The following DENND1B variants were observed in gnomAD, a reference collection of about 807,000 sequenced individuals.
The protein encoded by DENND1B is DENN domain-containing protein 1B.
DENND1B carries 59 observed loss-of-function variants against 90.1 expected under a neutral mutation model. The ratio of observed to expected loss-of-function variants is 0.65; its 90% CI spans 0.53 to 0.81. The LOEUF (loss-of-function observed/expected upper bound fraction) is 0.81, where lower values mean the gene tolerates loss of function less well. DENND1B is among the 40% of genes least tolerant of loss of function. DENND1B has a pLI of 0.00. For synonymous variants in DENND1B, 337 were observed against 324.6 expected (o/e 1.04, Z -0.41); for missense variants, 862 against 912.6 (o/e 0.94, Z 0.71).
intron 20 of DENND1B, among the ~76,000 whole-genome samples, chr1:197,536,715 G>T (rs1669932832): frequency 6.6e-6 from 1 of 151,948 alleles, no homozygotes; most frequent in South Asian, 2.1e-4. Flanking sequence ...TAGTAGGCAG[G>T]ATATGAACTC....
intron 15 of DENND1B, among the ~76,000 whole-genome samples, chr1:197,557,091 A>C (rs542409269): frequency 2.0e-5 from 3 of 152,106 alleles, no homozygotes; most frequent in South Asian, 2.1e-4. Flanking sequence ...AGGAACTTAT[A>C]ATGTTGGCAT....
intron 20 of DENND1B, among the ~76,000 whole-genome samples, chr1:197,519,676 G>A (rs1668636580): frequency 6.6e-6 from 1 of 151,936 alleles, no homozygotes; most frequent in Non-Finnish European, 1.5e-5. Context: ...GGGAGGTCAA[G>A]GGAAGTCTTT....
At chr1:197,697,758 G>A (rs1343877711) in intron 3 of DENND1B, among the ~76,000 whole-genome samples, 3 of 151,830 alleles carry the variant, frequency 2.0e-5, no homozygotes, top group African/African-American at 7.3e-5. Flanking sequence ...AAAAAAGCAG[G>A]GATTGTAGTC....
At chr1:197,519,122 T>C (rs1233864377) in intron 20 of DENND1B, among the ~76,000 whole-genome samples, 1 of 152,016 alleles carries the variant, frequency 6.6e-6, no homozygotes, top group Non-Finnish European at 1.5e-5. Context: ...TTTGTATCTG[T>C]CAGCATATAC....
chr1:197,543,693 G>T (rs535606896), intron 18 of DENND1B, among the ~76,000 whole-genome samples: 2 of 152,266 alleles, frequency 1.3e-5, no homozygotes, highest in South Asian at 4.1e-4. Context: ...AAGGGAAAAT[G>T]ATAACCTTGT....
At chr1:197,595,375 T>C in intron 13 of DENND1B, 42 bp from the exon 14 acceptor site, 4 of 1,602,746 alleles carry the variant, frequency 2.5e-6, no homozygotes, top group Non-Finnish European at 3.4e-6. Flanking sequence ...ACCTCAGAAA[T>C]TGGTACAGCG....
chr1:197,721,055 G>A (rs1242982507), intron 2 of DENND1B, among the ~76,000 whole-genome samples: 1 of 146,678 alleles, frequency 6.8e-6, no homozygotes, highest in Non-Finnish European at 1.5e-5. Context: ...AGGTGGGCCT[G>A]AGAAACGGCA....
upstream of DENND1B, among the ~76,000 whole-genome samples, chr1:197,775,884 C>T (rs974336127): frequency 6.6e-6 from 1 of 152,158 alleles, no homozygotes; most frequent in Non-Finnish European, 1.5e-5. Context: ...AGTTGATGCC[C>T]CTGGCTCTTG....
At position 197,727,648 on chromosome 1, in the gene DENND1B, T is replaced by C. The variant is rs751564927; in HGVS notation, c.83-12574A>G. Among the ~76,000 whole-genome samples, 30 of 152,086 alleles carry C rather than the reference T, an allele frequency of 2.0e-4. 1 individual carries two copies. The highest frequency in any genetic ancestry group is 1.6e-3 in the Admixed American group (24 of 15,268). On this transcript the variant is annotated intron_variant, in intron 2 of 22. Transcript: ENST00000620048. ...AACAGTGATCTGATTTTGAGGCCAA[T>C]TGGACTGGATTCTACTAAGCAGAAT...
At chr1:197,705,042 C>G (rs1659391022) in intron 3 of DENND1B, among the ~76,000 whole-genome samples, 3 of 152,034 alleles carry the variant, frequency 2.0e-5, no homozygotes, top group African/African-American at 4.8e-5. Context: ...CATAAAGCAC[C>G]TAGTATAGTG....
intron 16 of DENND1B, among the ~76,000 whole-genome samples, chr1:197,551,345 G>T (rs1444300605): frequency 6.6e-6 from 1 of 152,018 alleles, no homozygotes; most frequent in Non-Finnish European, 1.5e-5. Flanking sequence ...GTCAAATTAG[G>T]CTTTCCTTTT....
rs773247951 is a variant in DENND1B, at chr1:197,611,928, C to T, written c.819+3G>A. The T allele has an allele frequency of 9.4e-6, 15 of 1,602,662 alleles. No individual in the cohort carries two copies. Among genetic ancestry groups the T allele is most frequent in the Non-Finnish European group, 1.3e-5 (15 of 1,172,582 alleles). ...CACTGTCTCATGTCTGAAAGATACT[C>T]ACCTCTATGAGGCTGGAGTGTATTC... On this transcript the variant is annotated splice_donor_region_variant and intron_variant, in intron 12 of 22. Transcript: ENST00000620048.
At chr1:197,558,024 G>C (rs182890689) in intron 15 of DENND1B, among the ~76,000 whole-genome samples, 1 of 151,758 alleles carries the variant, frequency 6.6e-6, no homozygotes, top group Non-Finnish European at 1.5e-5. Context: ...GAAGACATAA[G>C]CTTTGAAAGA....
intron 14 of DENND1B, among the ~76,000 whole-genome samples, chr1:197,593,760 TGAA>T (rs979402455): frequency 1.3e-5 from 2 of 152,046 alleles, no homozygotes; most frequent in Non-Finnish European, 2.9e-5. Flanking sequence ...AAAATAAAAA[TGAA>T]GTTTAGTTTA....
upstream of DENND1B, among the ~76,000 whole-genome samples, chr1:197,780,218 C>G (rs1259506889): frequency 6.6e-6 from 1 of 152,198 alleles, no homozygotes; most frequent in East Asian, 1.9e-4. Flanking sequence ...GTTGGATTTC[C>G]CACATTAGGA....
chr1:197,591,330 A>G (rs1248772537), intron 14 of DENND1B, among the ~76,000 whole-genome samples: 1 of 152,216 alleles, frequency 6.6e-6, no homozygotes, highest in Admixed American at 6.5e-5. Flanking sequence ...AGGTCCTATT[A>G]TAGCTGCATT....
intron 10 of DENND1B, among the ~76,000 whole-genome samples, chr1:197,636,139 A>T (rs1558335877): frequency 6.6e-6 from 1 of 151,994 alleles, no homozygotes; most frequent in African/African-American, 2.4e-5. Context: ...TAACCAATAG[A>T]TTTTTTTTAT....
In DENND1B at chr1:197,772,847, CAG is replaced by C; in HGVS notation, c.82+19_82+20del. 1 of 1,539,164 alleles carries C rather than the reference CAG, an allele frequency of 6.5e-7. No homozygotes were observed. Among genetic ancestry groups the C allele is most frequent in the Non-Finnish European group, 8.8e-7 (1 of 1,141,984 alleles). On this transcript the variant is annotated intron_variant, in intron 2 of 22. Coordinates refer to ENST00000620048, the MANE Select transcript of DENND1B (RefSeq NM_001195215.2). ...AAAAAAAAGAGACCTTGTCAAATAA[CAG>C]AACACAGAAGACACATACCTTCATT...
In DENND1B at chr1:197,645,753, A is replaced by G; in HGVS notation, c.508-10T>C. ...CAATGAAGTAGGAATGCTAATCAAT[A>G]CAAATAAATCACATATGAAAAAGAT... is the stretch of plus-strand genomic sequence containing the variant. On this transcript the variant is annotated splice_polypyrimidine_tract_variant and intron_variant, in intron 8 of 22. Transcript: ENST00000620048. The G allele has an allele frequency of 3.2e-6, 5 of 1,546,360 alleles. No individual in the cohort carries two copies. The highest frequency in any genetic ancestry group is 4.4e-6 in the Non-Finnish European group (5 of 1,144,296).
Sources: gnomAD v4.1 joint callset for allele counts (sites outside exome capture counted in the v4.1 genomes callset) on GRCh38, gnomAD v4.1.1 for gene constraint, MANE v1.5 for transcripts, NCBI Gene and HGNC (gene_info 2026-07-23, HGNC 2026-07-21) for gene names.